The following RNLS variants were observed in gnomAD, a reference collection of about 807,000 sequenced individuals.
RNLS encodes renalase, FAD dependent amine oxidase.
A neutral mutation model predicts 39.8 loss-of-function variants in RNLS; 39 were observed. That is an observed-to-expected ratio of 0.98 (90% confidence interval 0.76 to 1.28). RNLS has a LOEUF of 1.28. Among genes scored for constraint, RNLS ranks in the 50% most tolerant of loss-of-function variants. The pLI, the probability that RNLS is intolerant of heterozygous loss-of-function variation, is 0.00. For missense variants in RNLS, 410 were observed against 413.3 expected, an observed-to-expected ratio of 0.99 and a Z score of 0.07; for synonymous variants, 147 against 150.7, an observed-to-expected ratio of 0.98 and a Z score of 0.18.
intron 6 of RNLS, among the ~76,000 whole-genome samples, chr10:88,291,054 C>T (rs1371245778): frequency 6.6e-6 from 1 of 152,182 alleles, no homozygotes; most frequent in Non-Finnish European, 1.5e-5. Context: ...CATGTGAAAA[C>T]TACATCTTGA....
chr10:88,194,702 T>C, the RNLS span, among the ~76,000 whole-genome samples: 1 of 152,208 alleles, frequency 6.6e-6, no homozygotes, highest in African/African-American at 2.4e-5. Flanking sequence ...TGCGGGTTAT[T>C]ATCTAGGTCT....
At chr10:88,466,875 A>G (rs1843238299) in intron 4 of RNLS, among the ~76,000 whole-genome samples, 1 of 152,184 alleles carries the variant, frequency 6.6e-6, no homozygotes, top group South Asian at 2.1e-4. Flanking sequence ...TTTTAAAACC[A>G]CATTTCACTT....
intron 4 of RNLS, among the ~76,000 whole-genome samples, chr10:88,435,055 C>A (rs1855383635): frequency 6.6e-6 from 1 of 151,720 alleles, no homozygotes; most frequent in Non-Finnish European, 1.5e-5. Flanking sequence ...AAGGACAGAG[C>A]AGTTAAAAAT....
At chr10:88,566,261 T>C (rs1432826867) in intron 4 of RNLS, among the ~76,000 whole-genome samples, 1 of 151,816 alleles carries the variant, frequency 6.6e-6, no homozygotes, top group Non-Finnish European at 1.5e-5. Flanking sequence ...AATAAATATA[T>C]TATTATATTA....
At chr10:88,478,939 C>G (rs1459460297) in intron 4 of RNLS, among the ~76,000 whole-genome samples, 1 of 150,928 alleles carries the variant, frequency 6.6e-6, no homozygotes, top group African/African-American at 2.4e-5. Context: ...GTCTCTCAAG[C>G]CATGCTGAGG....
chr10:88,225,563 A>G, the RNLS span, among the ~76,000 whole-genome samples: 242 of 152,152 alleles, frequency 1.6e-3, 1 homozygote, highest in Admixed American at 3.3e-3. Flanking sequence ...AAAATTTAAA[A>G]ATTAGTCAGA....
At chr10:88,365,694 A>G (rs1850034040) in intron 4 of RNLS, among the ~76,000 whole-genome samples, 1 of 152,068 alleles carries the variant, frequency 6.6e-6, no homozygotes. Context: ...ACTTTCATTA[A>G]TGAGGAAAAT....
chr10:88,526,488 C>T lies in RNLS; in HGVS notation c.526+46415G>A, dbSNP rs911739803. On this transcript the variant is annotated intron_variant, in intron 4 of 6. Transcript: ENST00000331772. ...AACAAAATTTTGGAAGCTGGACAGG[C>T]ACGCTAGCTCAGGTCTGTAATCCCA... 2.6e-4 allele frequency among the ~76,000 whole-genome samples: 40 copies of T among 152,002 alleles called. 1 individual carries two copies. The highest frequency in any genetic ancestry group is 2.4e-3 in the Admixed American group (36 of 15,250).
intron 4 of RNLS, among the ~76,000 whole-genome samples, chr10:88,383,827 A>AAGAT (rs778112385): frequency 6.6e-6 from 1 of 152,160 alleles, no homozygotes; most frequent in Non-Finnish European, 1.5e-5. Flanking sequence ...TTTGTGTGAA[A>AAGAT]AGATATTTTC....
At chr10:88,553,442 G>C (rs2134347973) in intron 4 of RNLS, among the ~76,000 whole-genome samples, 1 of 152,236 alleles carries the variant, frequency 6.6e-6, no homozygotes, top group Middle Eastern at 3.4e-3. Context: ...CACAAGTACT[G>C]TCAGGCTTAT....
At chr10:88,538,394 A>G (rs1245916184) in intron 4 of RNLS, among the ~76,000 whole-genome samples, 2 of 152,116 alleles carry the variant, frequency 1.3e-5, no homozygotes, top group Non-Finnish European at 2.9e-5. Flanking sequence ...AATACAACAA[A>G]CAATGTGACC....
chr10:88,388,744 G>A (rs933246702), intron 4 of RNLS, among the ~76,000 whole-genome samples: 3 of 152,046 alleles, frequency 2.0e-5, no homozygotes, highest in South Asian at 4.2e-4. Flanking sequence ...TTGATTCCTT[G>A]TTTATCATCG....
chr10:88,292,771 T>C (rs1834637), intron 6 of RNLS, among the ~76,000 whole-genome samples: 132,107 of 152,018 alleles, frequency 0.87, 57,504 homozygotes, highest in South Asian at 0.91. Flanking sequence ...CGGCCAAGCG[T>C]GGTGGCTCAC....
intron 4 of RNLS, among the ~76,000 whole-genome samples, chr10:88,381,894 C>A (rs959836707): frequency 2.9e-5 from 1 of 34,880 alleles, no homozygotes; most frequent in African/African-American, 1.1e-4. Flanking sequence ...TTGAAAAATA[C>A]AAAAATAACA....
intron 4 of RNLS, among the ~76,000 whole-genome samples, chr10:88,474,497 T>A (rs1042874045): frequency 3.3e-5 from 5 of 152,074 alleles, no homozygotes; most frequent in Non-Finnish European, 7.4e-5. Flanking sequence ...AATTTGCAAA[T>A]GCCCTGTAGG....
intron 4 of RNLS, among the ~76,000 whole-genome samples, chr10:88,404,842 A>G (rs1853162620): frequency 1.3e-5 from 2 of 152,106 alleles, no homozygotes; most frequent in Admixed American, 1.3e-4. Flanking sequence ...GAACCTGTCA[A>G]AAAGGTCACA....
At chr10:88,355,740 G>T (rs1849115401) in intron 5 of RNLS, among the ~76,000 whole-genome samples, 1 of 152,180 alleles carries the variant, frequency 6.6e-6, no homozygotes, top group African/African-American at 2.4e-5. Flanking sequence ...CTTCAAAGCT[G>T]TCAGGCAGGG....
chr10:88,579,052 A>C (rs572411653), intron 3 of RNLS, among the ~76,000 whole-genome samples: 85 of 152,344 alleles, frequency 5.6e-4, no homozygotes, highest in African/African-American at 1.9e-3. Flanking sequence ...AATTTATTTA[A>C]TCATAGTTTT....
At chr10:88,434,319 G>A (rs1298006084) in intron 4 of RNLS, among the ~76,000 whole-genome samples, 1 of 151,866 alleles carries the variant, frequency 6.6e-6, no homozygotes, top group African/African-American at 2.4e-5. Flanking sequence ...AGATAATTTT[G>A]AAAAAAGAAT....
Sources: gnomAD v4.1 joint callset for allele counts (sites outside exome capture counted in the v4.1 genomes callset) on GRCh38, gnomAD v4.1.1 for gene constraint, MANE v1.5 for transcripts, NCBI Gene and HGNC (gene_info 2026-07-23, HGNC 2026-07-21) for gene names.